CCDC180: variants seen among roughly 807,000 people sequenced by gnomAD.
CCDC180 encodes coiled-coil domain-containing protein 180.
CCDC180 carries 154 observed loss-of-function variants against 209.2 expected under a neutral mutation model. That is an observed-to-expected ratio of 0.74 (90% confidence interval 0.65 to 0.84). The LOEUF is 0.84. Ranked by LOEUF, CCDC180 falls within the 40% of genes least tolerant of loss-of-function variation. The pLI, the probability that CCDC180 is intolerant of heterozygous loss-of-function variation, is 0.00. For missense variants in CCDC180, 1,874 were observed against 1,997.3 expected, an observed-to-expected ratio of 0.94 and a Z score of 1.18; for synonymous variants, 778 against 749.1, an observed-to-expected ratio of 1.04 and a Z score of -0.63.
chr9:97,313,491 T>C, intron 5 of CCDC180, 146 bp downstream of exon 5: 2 of 564,544 alleles, frequency 3.5e-6, no homozygotes, highest in Non-Finnish European at 6.4e-6. Flanking sequence ...CCTCTCTGAG[T>C]GCCTGAGTGG....
intron 22 of CCDC180, among the ~76,000 whole-genome samples, chr9:97,351,820 C>A (rs973867363): frequency 1.3e-5 from 2 of 151,972 alleles, no homozygotes; most frequent in African/African-American, 4.8e-5. Flanking sequence ...CAATTTGAGC[C>A]AATAAAACAA....
Position 97,354,627 on chromosome 9 carries a change from C to CT in CCDC180, c.3062dup (p.Glu1022GlyfsTer11), listed in dbSNP as rs754461801. On this transcript the variant is annotated frameshift_variant, in exon 23 of 37. Coordinates refer to ENST00000529487, the MANE Select transcript of CCDC180 (RefSeq NM_020893.6). LOFTEE classifies it high-confidence loss of function. ...AGAAATCAATTCACTGTGTTCCCGA[C>CT]TGGAGAAGGAAGCTGCCCGGATAGA... 6.2e-7 allele frequency: 1 copy of CT among 1,614,234 alleles called. No individual in the cohort carries two copies. Among genetic ancestry groups the CT allele is most frequent in the Non-Finnish European group, 8.5e-7 (1 of 1,180,042 alleles).
intron 14 of CCDC180, among the ~76,000 whole-genome samples, chr9:97,325,899 T>C (rs958062120): frequency 6.6e-6 from 1 of 152,018 alleles, no homozygotes; most frequent in East Asian, 1.9e-4. Context: ...AGTCCAGTAG[T>C]TAAGGTTAAC....
chr9:97,355,639 G>A (rs1252958810), intron 24 of CCDC180, among the ~76,000 whole-genome samples: 1 of 152,180 alleles, frequency 6.6e-6, no homozygotes, highest in Non-Finnish European at 1.5e-5. Flanking sequence ...GGAACACAGA[G>A]CTCTTAAAGG....
At chr9:97,353,497 T>G (rs1826481450) in intron 22 of CCDC180, among the ~76,000 whole-genome samples, 1 of 152,226 alleles carries the variant, frequency 6.6e-6, no homozygotes, top group African/African-American at 2.4e-5. Context: ...ATCTTGTATC[T>G]TGATTCCTTA....
At chr9:97,327,804 G>A (rs190200527) in intron 15 of CCDC180, among the ~76,000 whole-genome samples, 1 of 152,256 alleles carries the variant, frequency 6.6e-6, no homozygotes, top group East Asian at 1.9e-4. Flanking sequence ...CATGTTACAA[G>A]CAGAAAAGTC....
intron 18 of CCDC180, among the ~76,000 whole-genome samples, chr9:97,341,690 G>T (rs1243464386): frequency 6.6e-6 from 1 of 152,180 alleles, no homozygotes; most frequent in East Asian, 1.9e-4. Context: ...ACACTGTGCT[G>T]GGAGAACCAC....
intron 16 of CCDC180, among the ~76,000 whole-genome samples, chr9:97,329,200 C>T (rs1048826674): frequency 1.3e-5 from 2 of 152,190 alleles, no homozygotes; most frequent in Admixed American, 1.3e-4. Flanking sequence ...TATAGGATGG[C>T]GAACTTATTG....
intron 22 of CCDC180, among the ~76,000 whole-genome samples, chr9:97,352,135 C>CAACAAG (rs1265409511): frequency 6.6e-6 from 1 of 151,904 alleles, no homozygotes; most frequent in Non-Finnish European, 1.5e-5. Flanking sequence ...ACAACAACAA[C>CAACAAG]AACAACAACA....
chr9:97,342,833 T>A (rs1008466479), intron 18 of CCDC180, among the ~76,000 whole-genome samples: 5 of 152,246 alleles, frequency 3.3e-5, no homozygotes, highest in African/African-American at 1.2e-4. Flanking sequence ...TGCAGGGAAG[T>A]AACTCTCATA....
rs1564182541 is a variant in CCDC180, at chr9:97,378,649, C to T, written c.*1755C>T. On this transcript the variant is annotated 3_prime_UTR_variant, in exon 37 of 37. Coordinates refer to ENST00000529487, the MANE Select transcript of CCDC180 (RefSeq NM_020893.6). Reference sequence around the variant, plus strand: ...GTTCCCACTGCCTGGGGAACCAGATCGCCTCTGTCGGACAAGGGCGAGGAT... The same window carrying T: ...GTTCCCACTGCCTGGGGAACCAGATTGCCTCTGTCGGACAAGGGCGAGGAT... The T allele has an allele frequency of 1.3e-5, 2 of 152,216 alleles. No homozygotes were observed. The highest frequency in any genetic ancestry group is 2.9e-5 in the Non-Finnish European group (2 of 68,040). The allele number at this position is 152,216 out of a possible 1,614,324, so 9.4% of individuals were successfully genotyped here.
At chr9:97,336,484 A>G (rs1278798973) in intron 18 of CCDC180, among the ~76,000 whole-genome samples, 1 of 151,970 alleles carries the variant, frequency 6.6e-6, no homozygotes, top group Non-Finnish European at 1.5e-5. Flanking sequence ...GATGTGTGGT[A>G]TTATTTCTGA....
At position 97,366,792 on chromosome 9, in the gene CCDC180, C is replaced by T. The variant is rs1826936299; in HGVS notation, c.4189+92C>T. On this transcript the variant is annotated intron_variant, in intron 31 of 36. Coordinates refer to ENST00000529487, the MANE Select transcript of CCDC180 (RefSeq NM_020893.6). The surrounding 1 kb of genome is among the most constrained non-coding windows in gnomAD (Gnocchi z 4.3). ...CTTGGCCTTGTGGCCTGGATCCTCC[C>T]CTCTGGGGGAGGCAGAAGAGCTTCC... 2.2e-6 allele frequency: 3 copies of T among 1,379,540 alleles called. No individual in the cohort carries two copies. Among genetic ancestry groups the T allele is most frequent in the Non-Finnish European group, 1.9e-6 (2 of 1,027,612 alleles). The allele number at this position is 1,379,540 out of a possible 1,614,324, so 85.5% of individuals were successfully genotyped here.
At chr9:97,311,846 T>A (rs1832994913) in intron 3 of CCDC180, among the ~76,000 whole-genome samples, 1 of 152,144 alleles carries the variant, frequency 6.6e-6, no homozygotes, top group South Asian at 2.1e-4. Context: ...CATCCACACT[T>A]GACCACCAGA....
intron 3 of CCDC180, among the ~76,000 whole-genome samples, chr9:97,311,118 G>A (rs1832973184): frequency 6.6e-6 from 1 of 152,158 alleles, no homozygotes; most frequent in South Asian, 2.1e-4. Context: ...CATCACCCAG[G>A]GCAGACTCCT....
chr9:97,347,709 A>AT (rs964977624), intron 20 of CCDC180: 1,639 of 480,752 alleles, frequency 3.4e-3, no homozygotes, highest in South Asian at 4.8e-3. Flanking sequence ...TCTCATTTCC[A>AT]TTTTTTTTTC....
intron 3 of CCDC180, among the ~76,000 whole-genome samples, chr9:97,311,108 C>T (rs1832972299): frequency 1.3e-5 from 2 of 152,170 alleles, no homozygotes; most frequent in African/African-American, 2.4e-5. Flanking sequence ...CCTATGTGCT[C>T]ATCACCCAGG....
At chr9:97,338,585 T>C (rs919111602) in intron 18 of CCDC180, among the ~76,000 whole-genome samples, 1 of 152,208 alleles carries the variant, frequency 6.6e-6, no homozygotes, top group Non-Finnish European at 1.5e-5. Context: ...CTTCCAACTA[T>C]GTGGTCAATT....
chr9:97,352,420 A>G (rs1826446145), intron 22 of CCDC180, among the ~76,000 whole-genome samples: 1 of 152,144 alleles, frequency 6.6e-6, no homozygotes, highest in South Asian at 2.1e-4. Flanking sequence ...TCCTTCCTAC[A>G]ACTATGCATC....
Sources: allele counts gnomAD v4.1 joint callset (sites outside exome capture counted in the v4.1 genomes callset), GRCh38; gene constraint gnomAD v4.1.1; non-coding constraint Gnocchi (gnomAD v3.1); transcripts MANE v1.5; gene names NCBI Gene and HGNC (gene_info 2026-07-23, HGNC 2026-07-21).